Variants in FBXO7 observed in about 807,000 individuals in gnomAD.
The protein encoded by FBXO7 is F-box only protein 7.
In FBXO7, 31 loss-of-function variants were observed where a neutral mutation model predicts 50.2. The ratio of observed to expected loss-of-function variants is 0.62; its 90% confidence interval spans 0.46 to 0.83. The LOEUF is 0.83. Among genes scored for constraint, FBXO7 ranks in the 40% least tolerant of loss-of-function variants. FBXO7 has a pLI of 0.00. For synonymous variants in FBXO7, 256 were observed against 253.1 expected (o/e 1.01, Z -0.11); for missense variants, 667 against 646.6 (o/e 1.03, Z -0.34).
chr22:32,483,846 A>G (rs369971264), intron 2 of FBXO7, 51 bp from the exon 3 acceptor site: 51 of 1,512,806 alleles, frequency 3.4e-5, no homozygotes, highest in Middle Eastern at 1.7e-4. Flanking sequence ...AAAAATGTAT[A>G]GTGTAAAAAT....
chr22:32,491,309 C>G, intron 6 of FBXO7, 128 bp downstream of exon 6: 1 of 701,200 alleles, frequency 1.4e-6, no homozygotes, highest in South Asian at 1.6e-5. Context: ...TCTTCTAAGA[C>G]TAAGCTTAAT....
Position 32,475,117 on chromosome 22 carries a change from GGGTACA to G in FBXO7, c.121_122+4del. The stretch of plus-strand genomic sequence containing the variant: ...GAGGCAGTCCCTGCTGTGCACCTGG[GGGTACA>G]GGTACGCTGGGGCCGGGGCTGGGCG... On this transcript the variant is annotated inframe_deletion and splice_region_variant, in exon 1 of 9. Coordinates refer to ENST00000266087, the MANE Select transcript of FBXO7 (RefSeq NM_012179.4). 2.6e-6 allele frequency: 4 copies of G among 1,544,532 alleles called. No individual in the cohort carries two copies. The highest frequency in any genetic ancestry group is 3.5e-6 in the Non-Finnish European group (4 of 1,145,388).
At chr22:32,491,765 T>C (rs2057538892) in intron 6 of FBXO7, 1 of 152,162 alleles carries the variant, frequency 6.6e-6, no homozygotes, top group South Asian at 2.1e-4. Context: ...TATGTGGTAC[T>C]TATTTTATAG....
At chr22:32,495,367 A>G (rs2057566571) in intron 7 of FBXO7, 126 bp from the exon 8 acceptor site, 2 of 562,062 alleles carry the variant, frequency 3.6e-6, no homozygotes, top group Middle Eastern at 2.8e-4. Flanking sequence ...ATAAATGGTT[A>G]GTTTTTTTTT....
Position 32,491,090 on chromosome 22 carries a change from A to G in FBXO7, c.876A>G (p.Glu292=). ...TTACTTTAAAAAATATTCTAGGGGA[A>G]AATGTAGCCAACATATACAAAGATC... The part of the protein sequence containing the change: ...ESFICKEKLG[E]NVANIYKDLQ... Residue 292 remains glutamate (E), a synonymous_variant, in exon 6 of 9, where the codon GAA becomes GAG. Coordinates refer to ENST00000266087, the MANE Select transcript of FBXO7 (RefSeq NM_012179.4). 1 of 1,611,266 alleles carries G rather than the reference A, an allele frequency of 6.2e-7. No homozygotes were observed.
intron 1 of FBXO7, chr22:32,476,098 T>C (rs1359245370): frequency 6.6e-6 from 1 of 152,162 alleles, no homozygotes; most frequent in Non-Finnish European, 1.5e-5. Flanking sequence ...TTCACCTTAT[T>C]TTTAGGGAAT....
Position 32,479,110 on chromosome 22 carries a change from G to A in FBXO7, c.252G>A (p.Ala84=), listed in dbSNP as rs572633515. ...TGATTCTTCAAGATGACATTCCAGC[G>A]CCTAATATACCTTCATCCACAGATT... ...ICLILQDDIP[A]PNIPSSTDSE... Residue 84 remains alanine, a synonymous_variant, in exon 2 of 9, where the codon GCG becomes GCA. Transcript: ENST00000266087. The A allele has an allele frequency of 2.0e-5, 32 of 1,614,092 alleles. No individual in the cohort carries two copies. The highest frequency in any genetic ancestry group is 9.3e-5 in the African/African-American group (7 of 75,006).
intron 8 of FBXO7, among the ~76,000 whole-genome samples, chr22:32,495,943 C>G (rs1196120876): frequency 6.6e-6 from 1 of 152,190 alleles, no homozygotes; most frequent in South Asian, 2.1e-4. Context: ...AAAGCTGCTG[C>G]AAGTTATCCA....
intron 5 of FBXO7, chr22:32,490,579 T>A (rs1211586501): frequency 6.2e-6 from 1 of 160,600 alleles, no homozygotes; most frequent in South Asian, 1.8e-4. Flanking sequence ...CCATGGGGCC[T>A]TGGACAGGCT....
chr22:32,481,696 A>G (rs1029264815), intron 2 of FBXO7, among the ~76,000 whole-genome samples: 1 of 150,218 alleles, frequency 6.7e-6, no homozygotes, highest in Admixed American at 7.4e-5. Flanking sequence ...TACTCTTGTA[A>G]TTAAATATCA....
At position 32,498,811 on chromosome 22, in the gene FBXO7, T is replaced by TA. The variant is rs1186362488; in HGVS notation, c.*289dup. The TA allele has an allele frequency of 5.2e-5, 24 of 458,326 alleles. No homozygotes were observed. Among genetic ancestry groups the TA allele is most frequent in the East Asian group, 1.1e-4 (3 of 26,314 alleles). The allele number at this position is 458,326 out of a possible 1,614,324, so 28.4% of individuals were successfully genotyped here. A position where few individuals can be genotyped will look rare whatever the true frequency, so the allele number is the denominator to read the frequency against. ...TTTTCTGATGCTGTTCTTACCAGAT[T>TA]AAAAAAAAGTGTAAATTACATGGTG... On this transcript the variant is annotated 3_prime_UTR_variant, in exon 9 of 9. Coordinates refer to ENST00000266087, the MANE Select transcript of FBXO7 (RefSeq NM_012179.4).
intron 2 of FBXO7, among the ~76,000 whole-genome samples, chr22:32,479,887 C>G (rs562992290): frequency 8.6e-4 from 131 of 152,270 alleles, no homozygotes; most frequent in African/African-American, 3.0e-3. Flanking sequence ...CTGGTCCGCT[C>G]ATTAAGGCTA....
chr22:32,489,911 G>A (rs1163755643), intron 5 of FBXO7: 1 of 152,080 alleles, frequency 6.6e-6, no homozygotes, highest in Non-Finnish European at 1.5e-5. Flanking sequence ...TACATACCAG[G>A]TTGCTGAAGG....
At chr22:32,497,063 C>T (rs1399150713) in intron 8 of FBXO7, among the ~76,000 whole-genome samples, 3 of 152,128 alleles carry the variant, frequency 2.0e-5, no homozygotes, top group Non-Finnish European at 4.4e-5. Context: ...AGAAGTGGAG[C>T]CTGAAGATGG....
chr22:32,498,711 CTG>C lies in FBXO7; in HGVS notation c.*184_*185del. The C allele has an allele frequency of 1.4e-6, 1 of 705,074 alleles. No homozygotes were observed. Among genetic ancestry groups the C allele is most frequent in the Non-Finnish European group, 2.4e-6 (1 of 425,528 alleles). The allele number at this position is 705,074 out of a possible 1,614,324, so 43.7% of individuals were successfully genotyped here. A position where few individuals can be genotyped will look rare whatever the true frequency, so the allele number is the denominator to read the frequency against. ...GGGGTGGTATGACCCAAAGGTTCCT[CTG>C]TGACAAGGTTGGCCTTGGGAATAGT... On this transcript the variant is annotated 3_prime_UTR_variant, in exon 9 of 9. Transcript: ENST00000266087.
At chr22:32,495,333 T>C (rs1051950720) in intron 7 of FBXO7, among the ~76,000 whole-genome samples, 160 bp from the exon 8 acceptor site, 1 of 151,402 alleles carries the variant, frequency 6.6e-6, no homozygotes, top group Non-Finnish European at 1.5e-5. Flanking sequence ...GATAAGAAAG[T>C]ACAAATGATA....
chr22:32,477,349 T>G (rs2057435587), intron 1 of FBXO7, among the ~76,000 whole-genome samples: 1 of 152,238 alleles, frequency 6.6e-6, no homozygotes, highest in African/African-American at 2.4e-5. Flanking sequence ...TTTGTTAACC[T>G]CTCAAAAAAG....
intron 7 of FBXO7, among the ~76,000 whole-genome samples, chr22:32,493,924 T>C (rs917969754): frequency 1.1e-4 from 16 of 152,124 alleles, no homozygotes; most frequent in African/African-American, 3.6e-4. Flanking sequence ...ATTTTATAAA[T>C]AGTATTCCTA....
chr22:32,495,814 A>G lies in FBXO7; in HGVS notation c.1182+284A>G, dbSNP rs189760107. 1.1e-4 allele frequency among the ~76,000 whole-genome samples: 17 copies of G among 152,354 alleles called. No homozygotes were observed. In the East Asian group the frequency reaches 3.1e-3, roughly 28 times the overall value. On this transcript the variant is annotated intron_variant, in intron 8 of 8. Coordinates refer to ENST00000266087, the MANE Select transcript of FBXO7 (RefSeq NM_012179.4). ...AGTTGTCTGTGCTGGAGTAGTCATC[A>G]GCTGTTCAGCTAGTTAAGATAGTAC... is the stretch of plus-strand genomic sequence containing the variant.
Sources: allele counts gnomAD v4.1 joint callset (sites outside exome capture counted in the v4.1 genomes callset), GRCh38; gene constraint gnomAD v4.1.1; transcripts MANE v1.5; gene names NCBI Gene and HGNC (gene_info 2026-07-23, HGNC 2026-07-21).